CRTC3: variants seen among roughly 807,000 people sequenced by gnomAD.
CRTC3 encodes the protein CREB regulated transcription coactivator 3, also known as CREB-regulated transcription coactivator 3.
In CRTC3, 26 loss-of-function variants were observed where a neutral mutation model predicts 74.5. The ratio of observed to expected loss-of-function variants is 0.35; its 90% CI spans 0.26 to 0.48. The LOEUF is 0.48. Ranked by LOEUF, CRTC3 falls within the 20% of genes least tolerant of loss-of-function variation. CRTC3 has a pLI of 0.99. For missense variants in CRTC3, 760 were observed against 787.3 expected (o/e 0.97, Z 0.41); for synonymous variants, 377 against 325.8 (o/e 1.16, Z -1.69).
intron 7 of CRTC3, 104 bp downstream of exon 7, chr15:90,614,592 C>G: frequency 2.6e-6 from 2 of 772,078 alleles, no homozygotes; most frequent in East Asian, 5.3e-5. Context: ...AGGACTCCCC[C>G]AAATGCTGAC....
Position 90,530,231 on chromosome 15 carries a change from G to A in CRTC3, c.132+28G>A. ...GAGGGCCCGGGCCGGCGCGGGCGGG[G>A]GCGGCCACGGCCGCGGGCGGGACCC... On this transcript the variant is annotated intron_variant, in intron 1 of 14. Transcript: ENST00000268184. The surrounding 1 kb of genome is among the most constrained non-coding windows in gnomAD (Gnocchi z 6.2). 9.2e-7 allele frequency: 1 copy of A among 1,083,486 alleles called. No individual in the cohort carries two copies. The highest frequency in any genetic ancestry group is 1.1e-6 in the Non-Finnish European group (1 of 892,178). The allele number at this position is 1,083,486 out of a possible 1,614,324, so 67.1% of individuals were successfully genotyped here.
chr15:90,544,425 G>A (rs1966840795), intron 2 of CRTC3, among the ~76,000 whole-genome samples: 1 of 152,198 alleles, frequency 6.6e-6, no homozygotes. Context: ...CTTAGGACTT[G>A]AAGATATCTC....
rs147463682 is a variant in CRTC3, at chr15:90,584,714, T to C, written c.232-8922T>C. The stretch of plus-strand genomic sequence containing the variant: ...AAGCTGGAGGCCCAGTAGAGCTAAG[T>C]GATGAGTTTAAGGATGCCGTTAGAG... On this transcript the variant is annotated intron_variant, in intron 2 of 14. Coordinates refer to ENST00000268184, the MANE Select transcript of CRTC3 (RefSeq NM_022769.5). Among the ~76,000 whole-genome samples the C allele has an allele frequency of 4.3e-4, 66 of 152,002 alleles. No homozygotes were observed. The East Asian group carries it at 7.2e-3, about 17-fold the overall frequency.
At chr15:90,562,021 A>G (rs1370474314) in intron 2 of CRTC3, among the ~76,000 whole-genome samples, 1 of 152,234 alleles carries the variant, frequency 6.6e-6, no homozygotes, top group East Asian at 1.9e-4. Flanking sequence ...GGCTATAAGC[A>G]GTTGGCTGCC....
intron 2 of CRTC3, among the ~76,000 whole-genome samples, chr15:90,548,656 A>G (rs1299663184): frequency 6.6e-6 from 1 of 152,248 alleles, no homozygotes; most frequent in East Asian, 1.9e-4. Context: ...ATCTCAAAAT[A>G]CCACTACTAA....
intron 3 of CRTC3, chr15:90,600,677 G>C (rs11631150): frequency 0.69 from 104,665 of 152,084 alleles, 36,626 homozygotes; most frequent in South Asian, 0.78. Flanking sequence ...TAAATAAAGT[G>C]TGAACTCAGC....
At chr15:90,619,198 T>C (rs1395150702) in intron 8 of CRTC3, among the ~76,000 whole-genome samples, 4 of 152,244 alleles carry the variant, frequency 2.6e-5, no homozygotes, top group Non-Finnish European at 5.9e-5. Context: ...GGCTCATGCC[T>C]GTAATCCCAG....
At chr15:90,590,062 G>A (rs1049642277) in intron 2 of CRTC3, among the ~76,000 whole-genome samples, 8 of 149,806 alleles carry the variant, frequency 5.3e-5, no homozygotes, top group African/African-American at 2.0e-4. Flanking sequence ...AGGCTGAGGC[G>A]GGCGGATTGC....
intron 6 of CRTC3, 77 bp downstream of exon 6, chr15:90,607,555 A>G (rs1018212682): frequency 1.1e-6 from 1 of 929,842 alleles, no homozygotes; most frequent in African/African-American, 1.7e-5. Context: ...AGAGAAGCTG[A>G]AGTGGTGTTT....
intron 2 of CRTC3, among the ~76,000 whole-genome samples, chr15:90,556,699 C>T (rs777350993): frequency 6.6e-6 from 1 of 151,914 alleles, no homozygotes; most frequent in Non-Finnish European, 1.5e-5. Context: ...TTGTGAAAAT[C>T]AAAAGGGCCA....
intron 2 of CRTC3, among the ~76,000 whole-genome samples, chr15:90,567,014 A>G (rs2151068122): frequency 6.6e-6 from 1 of 152,146 alleles, no homozygotes; most frequent in East Asian, 1.9e-4. Flanking sequence ...CCCAGCCTGC[A>G]TTTTCAACAT....
chr15:90,537,234 A>G (rs1041852543), intron 1 of CRTC3, among the ~76,000 whole-genome samples: 1 of 85,608 alleles, frequency 1.2e-5, no homozygotes, highest in Non-Finnish European at 2.9e-5. Flanking sequence ...AATAATGATA[A>G]TATCTTAAGT....
At chr15:90,602,034 T>C (rs1297372326) in intron 3 of CRTC3, among the ~76,000 whole-genome samples, 2 of 152,182 alleles carry the variant, frequency 1.3e-5, no homozygotes, top group Non-Finnish European at 2.9e-5. Context: ...GGAATGGCAG[T>C]GTTACCAGGT....
chr15:90,557,205 C>T (rs141634526), intron 2 of CRTC3, among the ~76,000 whole-genome samples: 40 of 152,160 alleles, frequency 2.6e-4, no homozygotes, highest in Admixed American at 7.9e-4. Flanking sequence ...TAGCTTAGAA[C>T]AATCGCAAGT....
chr15:90,560,044 G>A (rs1966978198), intron 2 of CRTC3, among the ~76,000 whole-genome samples: 1 of 152,030 alleles, frequency 6.6e-6, no homozygotes, highest in Non-Finnish European at 1.5e-5. Flanking sequence ...GGAGTTCTTC[G>A]AATGTTAGAG....
intron 4 of CRTC3, among the ~76,000 whole-genome samples, chr15:90,603,718 GA>G (rs1968145204): frequency 1.3e-5 from 2 of 152,116 alleles, no homozygotes; most frequent in Admixed American, 1.3e-4. Flanking sequence ...TAGCTCTCCG[GA>G]TTGAAGTCTA....
At position 90,641,067 on chromosome 15, in the gene CRTC3, C is replaced by A. The variant is rs192057976; in HGVS notation, c.1549-30C>A. ...TTCCTCCTTGGAAACAGAGGTGTGG[C>A]CTTCCTCACATGACCTTCGATGCTT... is the stretch of plus-strand genomic sequence containing the variant. On this transcript the variant is annotated intron_variant, in intron 13 of 14. Transcript: ENST00000268184. 563 of 1,434,800 alleles carry A rather than the reference C, an allele frequency of 3.9e-4. 1 individual carries two copies. Among genetic ancestry groups the A allele is most frequent in the Non-Finnish European group, 1.3e-5 (13 of 1,017,288 alleles). 88.9% of individuals were successfully genotyped at this position (1,434,800 alleles called of 1,614,324 possible). A position where few individuals can be genotyped will look rare whatever the true frequency, so the allele number is the denominator to read the frequency against.
chr15:90,564,296 A>G (rs1177107001), intron 2 of CRTC3, among the ~76,000 whole-genome samples: 1 of 152,230 alleles, frequency 6.6e-6, no homozygotes, highest in Non-Finnish European at 1.5e-5. Context: ...AAATTCAACC[A>G]GAGTATTTCT....
chr15:90,575,584 C>A (rs1028995169), intron 2 of CRTC3, among the ~76,000 whole-genome samples: 1 of 152,040 alleles, frequency 6.6e-6, no homozygotes, highest in Non-Finnish European at 1.5e-5. Flanking sequence ...ATCTTTTCTC[C>A]GATAGTTTAA....
Sources: gnomAD v4.1 joint callset for allele counts (sites outside exome capture counted in the v4.1 genomes callset) on GRCh38, gnomAD v4.1.1 for gene constraint, Gnocchi (gnomAD v3.1) non-coding constraint, MANE v1.5 for transcripts, NCBI Gene and HGNC (gene_info 2026-07-23, HGNC 2026-07-21) for gene names.